The following PDGFD variants were observed in gnomAD, a reference collection of about 807,000 sequenced individuals.
The protein encoded by PDGFD is platelet-derived growth factor D.
PDGFD carries 30 observed loss-of-function variants against 44.7 expected under a neutral mutation model. That is an observed-to-expected ratio of 0.67 (90% CI 0.50 to 0.91). PDGFD has a LOEUF of 0.91. Among genes scored for constraint, PDGFD ranks in the 40% least tolerant of loss-of-function variants. The probability of loss-of-function intolerance (pLI) is 0.00; values close to 1 mark genes in which losing one functional copy is unlikely to be tolerated. For missense variants in PDGFD, 445 were observed against 457.8 expected, an observed-to-expected ratio of 0.97 and a Z score of 0.25; for synonymous variants, 173 against 168.4, an observed-to-expected ratio of 1.03 and a Z score of -0.21.
intron 5 of PDGFD, among the ~76,000 whole-genome samples, chr11:103,930,233 T>C (rs1207634449): frequency 6.6e-6 from 1 of 152,200 alleles, no homozygotes; most frequent in Non-Finnish European, 1.5e-5. Flanking sequence ...TGTGGGGTGC[T>C]GCACAGTGCA....
chr11:104,133,799 C>T lies in PDGFD; in HGVS notation c.124+30005G>A, dbSNP rs1861959438. On this transcript the variant is annotated intron_variant, in intron 1 of 6. Coordinates refer to ENST00000393158, the MANE Select transcript of PDGFD (RefSeq NM_025208.5). Reference sequence around the variant, plus strand: ...ATCAATTAAAACAATAACAAGAAAACTGAGGCTCGAAGAGGCTCTGTAACG... The same window carrying T: ...ATCAATTAAAACAATAACAAGAAAATTGAGGCTCGAAGAGGCTCTGTAACG... Among the ~76,000 whole-genome samples, 3 of 152,050 alleles carry T rather than the reference C, an allele frequency of 2.0e-5. No homozygotes were observed. The South Asian group carries it at 6.2e-4, about 32-fold the overall frequency.
At chr11:103,937,085 C>A (rs971181051) in intron 5 of PDGFD, among the ~76,000 whole-genome samples, 1 of 152,114 alleles carries the variant, frequency 6.6e-6, no homozygotes, top group African/African-American at 2.4e-5. Flanking sequence ...CTCGGCCTCC[C>A]AAAGTGTTGG....
intron 1 of PDGFD, among the ~76,000 whole-genome samples, chr11:104,086,383 A>G (rs747198355): frequency 6.6e-5 from 10 of 152,210 alleles, no homozygotes; most frequent in African/African-American, 2.2e-4. Context: ...AATGGGACAT[A>G]CAAGTTTTTT....
chr11:104,134,349 G>C (rs895699871), intron 1 of PDGFD, among the ~76,000 whole-genome samples: 1 of 152,018 alleles, frequency 6.6e-6, no homozygotes, highest in African/African-American at 2.4e-5. Flanking sequence ...ATTAATCACA[G>C]TTAAAATATC....
intron 3 of PDGFD, among the ~76,000 whole-genome samples, chr11:103,992,796 C>T (rs1859478645): frequency 6.6e-6 from 1 of 152,148 alleles, no homozygotes; most frequent in South Asian, 2.1e-4. Context: ...TTGCACTTTT[C>T]CAAAAACATT....
rs117762967 is a variant in PDGFD, at chr11:104,156,870, C to T, written c.124+6934G>A. Among the ~76,000 whole-genome samples the T allele has an allele frequency of 1.8e-3, 271 of 152,318 alleles. 8 individuals carry two copies. The East Asian group carries it at 0.039, about 22-fold the overall frequency. On this transcript the variant is annotated intron_variant, in intron 1 of 6. Coordinates refer to ENST00000393158, the MANE Select transcript of PDGFD (RefSeq NM_025208.5). ...GGCTTCCGCCTTTAGTTTTGATTTACATTTGGTTCTGAAATACTGTATGAG... is the reference window on the plus strand; with the variant it reads ...GGCTTCCGCCTTTAGTTTTGATTTATATTTGGTTCTGAAATACTGTATGAG...
At chr11:104,002,934 A>C (rs72988923) in intron 1 of PDGFD, among the ~76,000 whole-genome samples, 26,830 of 152,184 alleles carry the variant, frequency 0.18, 2,672 homozygotes, top group African/African-American at 0.26. Flanking sequence ...TAAAATATCT[A>C]TCTCAGGTAT....
chr11:104,077,613 G>T (rs1405229552), intron 1 of PDGFD, among the ~76,000 whole-genome samples: 1 of 151,982 alleles, frequency 6.6e-6, no homozygotes, highest in Non-Finnish European at 1.5e-5. Flanking sequence ...CATGTACAGA[G>T]GAAGAAAATT....
At chr11:104,048,723 T>C (rs1336723205) in intron 1 of PDGFD, among the ~76,000 whole-genome samples, 1 of 152,226 alleles carries the variant, frequency 6.6e-6, no homozygotes, top group Non-Finnish European at 1.5e-5. Context: ...TGGTATGCCA[T>C]TCATTTTCTC....
At chr11:104,076,011 C>A (rs1007711595) in intron 1 of PDGFD, among the ~76,000 whole-genome samples, 1 of 152,126 alleles carries the variant, frequency 6.6e-6, no homozygotes, top group Non-Finnish European at 1.5e-5. Context: ...AAGGAAGAGA[C>A]CAGGTGGAGG....
chr11:103,998,270 C>CTT (rs1859566156), intron 2 of PDGFD, among the ~76,000 whole-genome samples: 1 of 152,058 alleles, frequency 6.6e-6, no homozygotes, highest in Non-Finnish European at 1.5e-5. Context: ...TTGGAAGTAC[C>CTT]TGTTGGGAGG....
At chr11:104,099,921 C>A (rs1269988367) in intron 1 of PDGFD, among the ~76,000 whole-genome samples, 1 of 152,052 alleles carries the variant, frequency 6.6e-6, no homozygotes, top group Non-Finnish European at 1.5e-5. Context: ...CTTTAATCTG[C>A]AAAATGCTAA....
chr11:103,995,526 T>G (rs1303653682), intron 3 of PDGFD, among the ~76,000 whole-genome samples: 1 of 152,212 alleles, frequency 6.6e-6, no homozygotes, highest in Non-Finnish European at 1.5e-5. Flanking sequence ...ACAGGATTCA[T>G]ACTCTTGGGT....
chr11:103,916,976 T>C (rs1858136458), intron 6 of PDGFD, among the ~76,000 whole-genome samples: 1 of 151,938 alleles, frequency 6.6e-6, no homozygotes, highest in Non-Finnish European at 1.5e-5. Flanking sequence ...TTAGGAGAAA[T>C]ACCTAATGTA....
chr11:104,115,555 T>C (rs923534494), intron 1 of PDGFD, among the ~76,000 whole-genome samples: 3 of 151,788 alleles, frequency 2.0e-5, no homozygotes, highest in Admixed American at 2.0e-4. Flanking sequence ...AGATACCCAG[T>C]AGTGGGATTG....
At chr11:103,960,115 G>C (rs560460289) in intron 3 of PDGFD, among the ~76,000 whole-genome samples, 1 of 152,186 alleles carries the variant, frequency 6.6e-6, no homozygotes, top group Non-Finnish European at 1.5e-5. Context: ...ATAATTTTTT[G>C]TACCGTTACA....
intron 1 of PDGFD, chr11:104,037,267 A>G: frequency 6.2e-7 from 1 of 1,613,548 alleles, no homozygotes; most frequent in Non-Finnish European, 8.5e-7. Context: ...GATCCGCAGC[A>G]TGCTGCTCTC....
In PDGFD at chr11:104,140,075, A is replaced by AT. The variant is rs1449304878; in HGVS notation, c.124+23728_124+23729insA. Among the ~76,000 whole-genome samples the AT allele has an allele frequency of 1.4e-3, 28 of 19,910 alleles. 8 individuals carry two copies. The highest frequency in any genetic ancestry group is 0.011 in the African/African-American group (21 of 1,900). 13.1% of individuals were successfully genotyped at this position (19,910 alleles called of 152,430 possible). On this transcript the variant is annotated intron_variant, in intron 1 of 6. Coordinates refer to ENST00000393158, the MANE Select transcript of PDGFD (RefSeq NM_025208.5). ...GAGCGAGACTCCGTCTCAAAAAAAA[A>AT]AAAATAAATAAATAAATAAATAACT... is the stretch of plus-strand genomic sequence containing the variant.
intron 1 of PDGFD, among the ~76,000 whole-genome samples, chr11:104,065,113 T>C (rs1860770940): frequency 6.6e-6 from 1 of 152,186 alleles, no homozygotes; most frequent in Admixed American, 6.5e-5. Context: ...CTTTCTCCTG[T>C]GCTGGATGCT....
Sources: gnomAD v4.1 joint callset for allele counts (sites outside exome capture counted in the v4.1 genomes callset) on GRCh38, gnomAD v4.1.1 for gene constraint, MANE v1.5 for transcripts, NCBI Gene and HGNC (gene_info 2026-07-23, HGNC 2026-07-21) for gene names.